Variants in MXRA7 observed in about 807,000 individuals in gnomAD.
MXRA7 encodes matrix remodeling associated 7, also known as matrix-remodeling-associated protein 7.
MXRA7 carries 18 observed loss-of-function variants against 17.4 expected under a neutral mutation model. The ratio of observed to expected loss-of-function variants is 1.03; its 90% confidence interval spans 0.71 to 1.53. The LOEUF (loss-of-function observed/expected upper bound fraction) is 1.53, where lower values mean the gene tolerates loss of function less well. Ranked by LOEUF, MXRA7 falls within the 40% of genes most tolerant of loss-of-function variation. The pLI, the probability that MXRA7 is intolerant of heterozygous loss-of-function variation, is 0.00. For synonymous variants in MXRA7, 70 were observed against 101.7 expected, an observed-to-expected ratio of 0.69 and a Z score of 1.87; for missense variants, 141 against 209.3, an observed-to-expected ratio of 0.67 and a Z score of 2.01.
chr17:76,683,952 G>T, intron 3 of MXRA7: 1 of 1,590,044 alleles, frequency 6.3e-7, no homozygotes, highest in Non-Finnish European at 8.6e-7. Context: ...CAGCAAACCT[G>T]GTCATGCCAA....
In MXRA7 at chr17:76,709,658, A is replaced by G. The variant is rs145020085; in HGVS notation, c.342+947T>C. ...ATCCCGGCTCTCCTCCCTTCCAAGAAAAGGAGCTCAGGGGTAAGAACAAGG... is the reference window on the plus strand; with the variant it reads ...ATCCCGGCTCTCCTCCCTTCCAAGAGAAGGAGCTCAGGGGTAAGAACAAGG... On this transcript the variant is annotated intron_variant, in intron 1 of 3. Transcript: ENST00000449428. 349 of 153,208 alleles carry G rather than the reference A, an allele frequency of 2.3e-3. 1 individual carries two copies. The Middle Eastern group carries it at 0.023, about 10-fold the overall frequency. The allele number at this position is 153,208 out of a possible 1,614,324, so 9.5% of individuals were successfully genotyped here. A position where few individuals can be genotyped will look rare whatever the true frequency, so the allele number is the denominator to read the frequency against.
chr17:76,690,560 AT>A (rs774574512), intron 1 of MXRA7, among the ~76,000 whole-genome samples: 5 of 152,132 alleles, frequency 3.3e-5, no homozygotes, highest in Admixed American at 6.5e-5. Flanking sequence ...AAATTTAAAA[AT>A]TAGCTGTGCA....
At position 76,679,644 on chromosome 17, in the gene MXRA7, A is replaced by G. The variant is rs965218340; in HGVS notation, c.*1223T>C. On this transcript the variant is annotated 3_prime_UTR_variant, in exon 4 of 4. Transcript: ENST00000449428. ...AGATCCAAGCCATGAGGAGTACATG[A>G]GGTGTGGTGCCTATAAGCCAGGGTC... 4 of 953,130 alleles carry G rather than the reference A, an allele frequency of 4.2e-6. No individual in the cohort carries two copies. The African/African-American group carries it at 7.1e-5, about 17-fold the overall frequency. The allele number at this position is 953,130 out of a possible 1,614,324, so 59.0% of individuals were successfully genotyped here.
intron 2 of MXRA7, among the ~76,000 whole-genome samples, chr17:76,686,488 C>T (rs1449573828): frequency 1.3e-5 from 2 of 151,962 alleles, no homozygotes; most frequent in African/African-American, 4.8e-5. Flanking sequence ...ATCCCCCTAC[C>T]CCCCAAAAAA....
chr17:76,690,277 T>G (rs926473222), intron 1 of MXRA7: 1 of 152,168 alleles, frequency 6.6e-6, no homozygotes. Flanking sequence ...TCTTATAGAG[T>G]TCAGTATAAT....
intron 1 of MXRA7, among the ~76,000 whole-genome samples, chr17:76,703,312 T>G (rs1310008551): frequency 6.6e-6 from 1 of 152,038 alleles, no homozygotes; most frequent in East Asian, 1.9e-4. Context: ...AATACACACA[T>G]ACACAGGCCA....
chr17:76,688,236 G>A, intron 1 of MXRA7, 60 bp from the exon 2 acceptor site: 1 of 1,607,504 alleles, frequency 6.2e-7, no homozygotes, highest in Non-Finnish European at 8.5e-7. Context: ...GAAGTGGTGG[G>A]GGGGCAGAAG....
At chr17:76,707,979 G>A (rs1476553894) in intron 1 of MXRA7, among the ~76,000 whole-genome samples, 2 of 152,178 alleles carry the variant, frequency 1.3e-5, no homozygotes, top group African/African-American at 4.8e-5. Flanking sequence ...GTATCATTCC[G>A]CTTCTCCTCA....
chr17:76,709,245 C>T (rs1422266050), intron 1 of MXRA7, among the ~76,000 whole-genome samples: 1 of 152,172 alleles, frequency 6.6e-6, no homozygotes, highest in African/African-American at 2.4e-5. Context: ...AAGGCCTCTC[C>T]TGCTCCCGCG....
In MXRA7 at chr17:76,680,230, G is replaced by A. The variant is rs1359803702; in HGVS notation, c.*637C>T. ...AAGGTGTCTTAGCAATGAAAGGGCTGAATCCGAGATTCCTCTAGATGAAAA... is the reference window on the plus strand; with the variant it reads ...AAGGTGTCTTAGCAATGAAAGGGCTAAATCCGAGATTCCTCTAGATGAAAA... On this transcript the variant is annotated 3_prime_UTR_variant, in exon 4 of 4. Coordinates refer to ENST00000449428, the MANE Select transcript of MXRA7 (RefSeq NM_198530.4). 10 of 962,496 alleles carry A rather than the reference G, an allele frequency of 1.0e-5. No homozygotes were observed. Among genetic ancestry groups the A allele is most frequent in the Non-Finnish European group, 1.2e-5 (10 of 809,770 alleles). The allele number at this position is 962,496 out of a possible 1,614,324, so 59.6% of individuals were successfully genotyped here. A position where few individuals can be genotyped will look rare whatever the true frequency, so the allele number is the denominator to read the frequency against.
At chr17:76,695,999 G>A (rs1384860813) in intron 1 of MXRA7, among the ~76,000 whole-genome samples, 1 of 152,090 alleles carries the variant, frequency 6.6e-6, no homozygotes, top group Non-Finnish European at 1.5e-5. Flanking sequence ...GGAGGCTGAG[G>A]GAGGAGAATC....
chr17:76,710,931 C>T lies in MXRA7; in HGVS notation c.16G>A (p.Glu6Lys), dbSNP rs1028064094. ...AGCGCAGGCAGCGCGGCCAGTAGCT[C>T]GGCCGGCGCCTCCATCGCGCCGCGG... MEAPA[E>K]LLAALPALAT... Residue 6 changes from glutamate to lysine, a missense_variant, in exon 1 of 4, where the codon GAG becomes AAG. Around this residue, in one of 3 missense-constraint regions of MXRA7, gnomAD observed 72 missense variants for 111.9 expected, o/e 0.64. Coordinates refer to ENST00000449428, the MANE Select transcript of MXRA7 (RefSeq NM_198530.4). The T allele has an allele frequency of 2.0e-6, 2 of 996,406 alleles. No individual in the cohort carries two copies. Among genetic ancestry groups the T allele is most frequent in the South Asian group, 4.4e-5 (1 of 22,816 alleles). The allele number at this position is 996,406 out of a possible 1,614,324, so 61.7% of individuals were successfully genotyped here. A position where few individuals can be genotyped will look rare whatever the true frequency, so the allele number is the denominator to read the frequency against.
chr17:76,701,076 T>C (rs1328665363), intron 1 of MXRA7, among the ~76,000 whole-genome samples: 1 of 151,714 alleles, frequency 6.6e-6, no homozygotes, highest in Non-Finnish European at 1.5e-5. Flanking sequence ...CGCGGAGGGC[T>C]GTGAGCAGGG....
chr17:76,692,479 C>T (rs1216702935), intron 1 of MXRA7, among the ~76,000 whole-genome samples: 1 of 151,928 alleles, frequency 6.6e-6, no homozygotes, highest in Non-Finnish European at 1.5e-5. Flanking sequence ...TCTCGAACTC[C>T]CGACCTCAGG....
At chr17:76,684,235 G>A (rs926395640) in intron 3 of MXRA7, among the ~76,000 whole-genome samples, 4 of 152,152 alleles carry the variant, frequency 2.6e-5, no homozygotes, top group Admixed American at 1.3e-4. Flanking sequence ...CCTCCTGCTC[G>A]GACCCTAGAC....
intron 1 of MXRA7, among the ~76,000 whole-genome samples, chr17:76,700,100 C>T (rs907948167): frequency 2.0e-5 from 3 of 152,110 alleles, no homozygotes; most frequent in African/African-American, 7.2e-5. Context: ...GCTGATTAGT[C>T]CCAAGTAGGG....
intron 1 of MXRA7, chr17:76,709,898 G>C (rs2076700973): frequency 1.3e-5 from 2 of 152,664 alleles, no homozygotes; most frequent in African/African-American, 4.8e-5. Flanking sequence ...GGCCGCTTTG[G>C]GGTGCTCACT....
chr17:76,705,255 T>C (rs1170956471), intron 1 of MXRA7, among the ~76,000 whole-genome samples: 2 of 152,148 alleles, frequency 1.3e-5, no homozygotes, highest in African/African-American at 2.4e-5. Context: ...CTTTCATATA[T>C]GGAAAAAAAT....
At chr17:76,680,939 G>T in intron 3 of MXRA7, 60 bp from the exon 4 acceptor site, 1 of 1,393,780 alleles carries the variant, frequency 7.2e-7, no homozygotes, top group Non-Finnish European at 1.0e-6. Flanking sequence ...CCTGCACCAT[G>T]GGCAAGGAAA....
Sources: gnomAD v4.1 joint callset for allele counts (sites outside exome capture counted in the v4.1 genomes callset) on GRCh38, gnomAD v4.1.1 for gene constraint, gnomAD v4.1.1 regional missense constraint, MANE v1.5 for transcripts, NCBI Gene and HGNC (gene_info 2026-07-23, HGNC 2026-07-21) for gene names.